CNTNAP5: variants seen among roughly 807,000 people sequenced by gnomAD.
CNTNAP5 encodes the protein contactin associated protein family member 5.
CNTNAP5 carries 72 observed loss-of-function variants against 150.2 expected under a neutral mutation model. The observed-to-expected ratio is 0.48, with a 90% confidence interval of 0.40 to 0.58. CNTNAP5 has a LOEUF of 0.58. Among genes scored for constraint, CNTNAP5 ranks in the 20% least tolerant of loss-of-function variants. The probability of loss-of-function intolerance (pLI) is 0.00; values close to 1 mark genes in which losing one functional copy is unlikely to be tolerated. For synonymous variants in CNTNAP5, 672 were observed against 619.8 expected (o/e 1.08, Z -1.25); for missense variants, 1,636 against 1,626.2 (o/e 1.01, Z -0.10).
chr2:124,508,189 G>A (rs530641340), intron 8 of CNTNAP5, among the ~76,000 whole-genome samples: 14 of 152,022 alleles, frequency 9.2e-5, no homozygotes, highest in African/African-American at 1.2e-4. Flanking sequence ...TCTTCCTTCC[G>A]TGCTGACTCA....
chr2:124,747,111 G>T (rs1254223098), intron 13 of CNTNAP5, 118 bp from the exon 14 acceptor site: 9 of 836,462 alleles, frequency 1.1e-5, no homozygotes, highest in Middle Eastern at 2.9e-4. Flanking sequence ...GACAGGAAGG[G>T]AAGGAGATTA....
chr2:124,354,735 A>C (rs2104705776), intron 3 of CNTNAP5, among the ~76,000 whole-genome samples: 1 of 152,316 alleles, frequency 6.6e-6, no homozygotes. Flanking sequence ...AGTATTGTTT[A>C]ACACAGGGAC....
intron 11 of CNTNAP5, among the ~76,000 whole-genome samples, chr2:124,593,272 C>A (rs1696743663): frequency 7.3e-6 from 1 of 136,534 alleles, no homozygotes; most frequent in African/African-American, 2.7e-5. Flanking sequence ...TCTCCCAATG[C>A]TATCCCTCCC....
intron 1 of CNTNAP5, among the ~76,000 whole-genome samples, chr2:124,166,057 G>A (rs1050712363): frequency 6.6e-6 from 1 of 152,040 alleles, no homozygotes; most frequent in Non-Finnish European, 1.5e-5. Flanking sequence ...ATCTAGACCT[G>A]GAGACTCTCC....
intron 8 of CNTNAP5, among the ~76,000 whole-genome samples, chr2:124,521,017 ATG>A (rs2104882911): frequency 6.6e-6 from 1 of 152,310 alleles, no homozygotes; most frequent in East Asian, 1.9e-4. Context: ...TTAGCTGGGG[ATG>A]TACCACTTCA....
At chr2:124,619,748 T>G (rs1573501290) in intron 12 of CNTNAP5, among the ~76,000 whole-genome samples, 5 of 151,138 alleles carry the variant, frequency 3.3e-5, no homozygotes, top group Admixed American at 3.3e-4. Flanking sequence ...TTCCTGGGTC[T>G]CTTGTCTGCC....
At position 124,044,630 on chromosome 2, in the gene CNTNAP5, G is replaced by A. The variant is rs531908879; in HGVS notation, c.82+18898G>A. On this transcript the variant is annotated intron_variant, in intron 1 of 23. Transcript: ENST00000682447. ...CAGGTCTTGGGTTCCACCTTCCCAC[G>A]GCCACCCTTATGGAGGTGATGATTT... Among the ~76,000 whole-genome samples, 136 of 152,048 alleles carry A rather than the reference G, an allele frequency of 8.9e-4. 1 individual carries two copies. Among genetic ancestry groups the A allele is most frequent in the Middle Eastern group, 3.4e-3 (1 of 294 alleles).
intron 3 of CNTNAP5, among the ~76,000 whole-genome samples, chr2:124,333,790 A>G (rs1573922503): frequency 6.6e-6 from 1 of 152,302 alleles, no homozygotes; most frequent in East Asian, 1.9e-4. Flanking sequence ...TTATACATGT[A>G]AAAGACAGGT....
At chr2:124,847,940 G>A (rs1683082467) in intron 19 of CNTNAP5, among the ~76,000 whole-genome samples, 1 of 151,920 alleles carries the variant, frequency 6.6e-6, no homozygotes, top group African/African-American at 2.4e-5. Context: ...TTTCCAAAAA[G>A]CTTAAAAATA....
At chr2:124,454,124 C>A (rs1693057308) in intron 6 of CNTNAP5, among the ~76,000 whole-genome samples, 2 of 152,216 alleles carry the variant, frequency 1.3e-5, no homozygotes, top group African/African-American at 4.8e-5. Context: ...GATAAGAGTT[C>A]ACCAACCAAC....
At chr2:124,651,186 T>G (rs975099251) in intron 13 of CNTNAP5, among the ~76,000 whole-genome samples, 3 of 152,218 alleles carry the variant, frequency 2.0e-5, no homozygotes, top group Non-Finnish European at 2.9e-5. Context: ...GCGTGCAGGC[T>G]GATTACCATA....
At chr2:124,785,697 A>G (rs1406553756) in intron 17 of CNTNAP5, among the ~76,000 whole-genome samples, 10 of 152,178 alleles carry the variant, frequency 6.6e-5, no homozygotes, top group Non-Finnish European at 1.3e-4. Context: ...TGGTGGGGTA[A>G]GGGGAGGCCA....
intron 10 of CNTNAP5, among the ~76,000 whole-genome samples, chr2:124,550,399 T>C (rs1695601394): frequency 6.6e-6 from 1 of 152,184 alleles, no homozygotes; most frequent in Non-Finnish European, 1.5e-5. Flanking sequence ...GTCTTCATTT[T>C]AACCAAAGTT....
At chr2:124,211,731 A>G (rs1325590624) in intron 1 of CNTNAP5, among the ~76,000 whole-genome samples, 1 of 152,182 alleles carries the variant, frequency 6.6e-6, no homozygotes, top group Non-Finnish European at 1.5e-5. Context: ...GCCAGTACTC[A>G]ACTCAAGCCT....
intron 8 of CNTNAP5, among the ~76,000 whole-genome samples, chr2:124,516,761 T>C (rs1694727930): frequency 6.6e-6 from 1 of 152,204 alleles, no homozygotes; most frequent in African/African-American, 2.4e-5. Flanking sequence ...GATCTTGCTT[T>C]TTATTTTGTC....
In CNTNAP5 at chr2:124,508,767, A is replaced by G. The variant is rs993700896; in HGVS notation, c.1327+4211A>G. Among the ~76,000 whole-genome samples the G allele has an allele frequency of 2.6e-5, 4 of 152,196 alleles. No individual in the cohort carries two copies. In the East Asian group the frequency reaches 7.7e-4, roughly 29 times the overall value. On this transcript the variant is annotated intron_variant, in intron 8 of 23. Coordinates refer to ENST00000682447, the MANE Select transcript of CNTNAP5 (RefSeq NM_001367498.1). ...ATTTCTATGTTTTTGGAAAATTTGA[A>G]CTTAATGTTTTTTAGAAAAGGATCA...
chr2:124,711,578 A>G (rs1395542175), intron 13 of CNTNAP5, among the ~76,000 whole-genome samples: 8 of 152,182 alleles, frequency 5.3e-5, no homozygotes, highest in Admixed American at 5.2e-4. Flanking sequence ...AACAAAAATA[A>G]TTTGTATTTG....
chr2:124,733,544 T>G (rs1680319301), intron 13 of CNTNAP5, among the ~76,000 whole-genome samples: 1 of 151,236 alleles, frequency 6.6e-6, no homozygotes, highest in African/African-American at 2.4e-5. Flanking sequence ...CGAACAAGAT[T>G]TTTTTTTTAA....
At chr2:124,050,776 G>C (rs1681675239) in intron 1 of CNTNAP5, among the ~76,000 whole-genome samples, 1 of 152,152 alleles carries the variant, frequency 6.6e-6, no homozygotes, top group Non-Finnish European at 1.5e-5. Context: ...TATTTCAATT[G>C]ATCTGAAATA....
Sources: allele counts gnomAD v4.1 joint callset (sites outside exome capture counted in the v4.1 genomes callset), GRCh38; gene constraint gnomAD v4.1.1; transcripts MANE v1.5; gene names NCBI Gene and HGNC (gene_info 2026-07-23, HGNC 2026-07-21).